The following FNBP1 variants were observed in gnomAD, a reference collection of about 807,000 sequenced individuals.
The protein encoded by FNBP1 is formin binding protein 1, also known as formin-binding protein 1.
FNBP1 carries 26 observed loss-of-function variants against 90.6 expected under a neutral mutation model. That is an observed-to-expected ratio of 0.29 (90% confidence interval 0.21 to 0.40). The LOEUF is 0.40. FNBP1 is among the 10% of genes least tolerant of loss of function. The pLI is 1.00. For missense variants in FNBP1, 635 were observed against 768.0 expected, an observed-to-expected ratio of 0.83 and a Z score of 2.05; for synonymous variants, 260 against 265.2, an observed-to-expected ratio of 0.98 and a Z score of 0.19.
intron 12 of FNBP1, among the ~76,000 whole-genome samples, chr9:129,906,960 A>C (rs979592840): frequency 3.0e-4 from 45 of 151,944 alleles, no homozygotes; most frequent in African/African-American, 9.4e-4. Flanking sequence ...TTGTATTTTT[A>C]GTAGAGATGG....
chr9:130,029,538 C>T (rs894314297), intron 1 of FNBP1, among the ~76,000 whole-genome samples: 4 of 151,998 alleles, frequency 2.6e-5, no homozygotes, highest in African/African-American at 9.7e-5. Context: ...CAGTAGCTGA[C>T]TGGGTAAGGA....
intron 1 of FNBP1, among the ~76,000 whole-genome samples, chr9:129,995,803 T>A (rs1341268302): frequency 3.9e-5 from 6 of 152,016 alleles, no homozygotes; most frequent in Non-Finnish European, 8.8e-5. Context: ...GAAGTGGAGT[T>A]GGCGAGTGAT....
chr9:130,017,616 G>A (rs1394600352), intron 1 of FNBP1, among the ~76,000 whole-genome samples: 1 of 152,018 alleles, frequency 6.6e-6, no homozygotes, highest in Non-Finnish European at 1.5e-5. Flanking sequence ...GATCACTTGA[G>A]GTTGGGAGTT....
chr9:129,963,628 T>TC (rs1314043828), intron 4 of FNBP1, among the ~76,000 whole-genome samples: 10 of 60,264 alleles, frequency 1.7e-4, no homozygotes, highest in African/African-American at 6.2e-4. Context: ...TTTTTTTTTT[T>TC]TTTTTTAAAA....
chr9:130,023,422 C>A (rs1197148955), intron 1 of FNBP1, among the ~76,000 whole-genome samples: 3 of 152,118 alleles, frequency 2.0e-5, no homozygotes, highest in Non-Finnish European at 2.9e-5. Context: ...GGATTGCACA[C>A]AATAGGGTTA....
rs115521112 is a variant in FNBP1 at position 129,965,324 on chromosome 9, G to A, written c.346-6771C>T. On this transcript the variant is annotated intron_variant, in intron 4 of 16. Coordinates refer to ENST00000446176, the MANE Select transcript of FNBP1 (RefSeq NM_015033.3). ...TAGTAAAAATACCTTCTTAATGAAC[G>A]TGTTCGAAGTTTTCTAAATGCCTAC... 3.9e-3 allele frequency among the ~76,000 whole-genome samples: 599 copies of A among 152,232 alleles called. 4 individuals are homozygous for A. The highest frequency in any genetic ancestry group is 0.014 in the African/African-American group (576 of 41,534).
In FNBP1 at chr9:129,924,004, G is replaced by C; in HGVS notation, c.1010C>G (p.Pro337Arg). Residue 337 changes from proline to arginine, a missense_variant, in exon 10 of 17, where the codon CCC (proline) becomes CGC (arginine). By Grantham distance (103) the Pro-to-Arg change is moderately radical. Coordinates refer to ENST00000446176, the MANE Select transcript of FNBP1 (RefSeq NM_015033.3). Reference sequence around the variant, plus strand: ...AGGAGGGGGAGGGGGAGGCTGATGGGGGGATGTTAAAAGGGACATAAGCTA... The same window carrying C: ...AGGAGGGGGAGGGGGAGGCTGATGGCGGGATGTTAAAAGGGACATAAGCTA... Reference protein sequence around the residue: ...KNKLMSLLTSPHQPPPPPPAS... With the variant: ...KNKLMSLLTSRHQPPPPPPAS... 6.6e-7 allele frequency: 1 copy of C among 1,506,726 alleles called. No individual in the cohort carries two copies. Among genetic ancestry groups the C allele is most frequent in the Non-Finnish European group, 8.9e-7 (1 of 1,129,534 alleles). The allele number at this position is 1,506,726 out of a possible 1,614,324, so 93.3% of individuals were successfully genotyped here.
intron 16 of FNBP1, among the ~76,000 whole-genome samples, chr9:129,893,404 AC>A (rs1373993259): frequency 1.3e-5 from 2 of 149,080 alleles, no homozygotes; most frequent in African/African-American, 5.0e-5. Context: ...AGAGTTTGAG[AC>A]AAGCCTGGCC....
intron 6 of FNBP1, among the ~76,000 whole-genome samples, chr9:129,934,100 C>T (rs1023622098): frequency 1.3e-5 from 2 of 152,172 alleles, no homozygotes; most frequent in African/African-American, 4.8e-5. Flanking sequence ...ATTTTGGAGA[C>T]TATCTCCTAA....
chr9:129,890,489 G>C lies in FNBP1; in HGVS notation c.*50C>G. 6.5e-7 allele frequency: 1 copy of C among 1,540,308 alleles called. No individual in the cohort carries two copies. Among genetic ancestry groups the C allele is most frequent in the Non-Finnish European group, 8.9e-7 (1 of 1,129,766 alleles). ...CGCTGGAGGCCTGTGGGAACAAGCA[G>C]ACGGAGGCTCCTCCAGGAAGGCTCA... On this transcript the variant is annotated 3_prime_UTR_variant, in exon 17 of 17. Coordinates refer to ENST00000446176, the MANE Select transcript of FNBP1 (RefSeq NM_015033.3). The surrounding 1 kb of genome is among the most constrained non-coding windows in gnomAD (Gnocchi z 5.8).
At chr9:129,981,122 CTT>C (rs1431193336) in intron 2 of FNBP1, among the ~76,000 whole-genome samples, 2 of 151,514 alleles carry the variant, frequency 1.3e-5, no homozygotes, top group African/African-American at 2.4e-5. Flanking sequence ...GAGTTTCACT[CTT>C]GTTTCCCAGG....
chr9:129,942,441 G>A lies in FNBP1; in HGVS notation c.514-12746C>T, dbSNP rs530767800. Among the ~76,000 whole-genome samples the A allele has an allele frequency of 6.6e-5, 10 of 152,260 alleles. No individual in the cohort carries two copies. The South Asian group carries it at 1.0e-3, about 16-fold the overall frequency. On this transcript the variant is annotated intron_variant, in intron 6 of 16. Transcript: ENST00000446176. ...CTCTTTATTGGGTCCTGATACTGAG[G>A]CCCTGTGCTAATAGCTATTTGTCAT...
intron 16 of FNBP1, among the ~76,000 whole-genome samples, chr9:129,892,168 A>G (rs2035163203): frequency 6.6e-6 from 1 of 152,138 alleles, no homozygotes; most frequent in Admixed American, 6.6e-5. Flanking sequence ...TACAACATTA[A>G]AACAACTCAT....
chr9:129,967,847 C>T (rs1244003237), intron 4 of FNBP1, among the ~76,000 whole-genome samples: 1 of 152,170 alleles, frequency 6.6e-6, no homozygotes, highest in East Asian at 1.9e-4. Context: ...AGTATGTTAT[C>T]CCATGAATGA....
At chr9:130,050,287 TCC>T in the FNBP1 span, among the ~76,000 whole-genome samples, 2 of 152,078 alleles carry the variant, frequency 1.3e-5, no homozygotes, top group African/African-American at 2.4e-5. Context: ...ATAATCCAAT[TCC>T]CCTGTAAAGA....
At chr9:129,950,011 C>T (rs2045931271) in intron 6 of FNBP1, among the ~76,000 whole-genome samples, 1 of 152,220 alleles carries the variant, frequency 6.6e-6, no homozygotes, top group South Asian at 2.1e-4. Context: ...GCTTTGAATA[C>T]AATTAGATAA....
intron 11 of FNBP1, 122 bp from the exon 12 acceptor site, chr9:129,909,121 T>G (rs1181309429): frequency 1.3e-6 from 1 of 743,622 alleles, no homozygotes; most frequent in African/African-American, 1.7e-5. Context: ...TGAAATAGAT[T>G]AAGCTCTTTC....
At position 129,987,579 on chromosome 9, in the gene FNBP1, C is replaced by A. The variant is rs1019194685; in HGVS notation, c.140+7264G>T. Among the ~76,000 whole-genome samples, 27 of 151,970 alleles carry A rather than the reference C, an allele frequency of 1.8e-4. 1 individual carries two copies. The highest frequency in any genetic ancestry group is 5.8e-4 in the African/African-American group (24 of 41,306). On this transcript the variant is annotated intron_variant, in intron 2 of 16. Coordinates refer to ENST00000446176, the MANE Select transcript of FNBP1 (RefSeq NM_015033.3). ...TTTATTTTTTTGAGACAGAGTCTGTCACCCAGGCTGGAGTGCAGTGGCGTC... is the reference window on the plus strand; with the variant it reads ...TTTATTTTTTTGAGACAGAGTCTGTAACCCAGGCTGGAGTGCAGTGGCGTC...
At chr9:129,891,600 T>C (rs1173548310) in intron 16 of FNBP1, among the ~76,000 whole-genome samples, 1 of 152,222 alleles carries the variant, frequency 6.6e-6, no homozygotes, top group Admixed American at 6.5e-5. Context: ...AAGGAAAACC[T>C]GTTGTTCTGT....
Sources: allele counts gnomAD v4.1 joint callset (sites outside exome capture counted in the v4.1 genomes callset), GRCh38; gene constraint gnomAD v4.1.1; non-coding constraint Gnocchi (gnomAD v3.1); transcripts MANE v1.5; gene names NCBI Gene and HGNC (gene_info 2026-07-23, HGNC 2026-07-21).